The following HEMGN variants were observed in gnomAD, a reference collection of about 807,000 sequenced individuals.
The protein encoded by HEMGN is hemogen.
In HEMGN, 32 loss-of-function variants were observed where a neutral mutation model predicts 45.7. The ratio of observed to expected loss-of-function variants is 0.70; its 90% confidence interval spans 0.53 to 0.94. HEMGN has a LOEUF of 0.94. Among genes scored for constraint, HEMGN ranks in the 40% least tolerant of loss-of-function variants. The pLI is 0.00. For synonymous variants in HEMGN, 183 were observed against 178.6 expected (o/e 1.02, Z -0.20); for missense variants, 530 against 564.2 (o/e 0.94, Z 0.61).
Position 97,932,803 on chromosome 9 carries a change from C to CAA in HEMGN, c.174-1584_174-1583dup, listed in dbSNP as rs5899328. 4.6e-5 allele frequency among the ~76,000 whole-genome samples: 4 copies of CAA among 87,280 alleles called. 1 individual carries two copies. The highest frequency in any genetic ancestry group is 4.9e-5 in the African/African-American group (1 of 20,318). The allele number at this position is 87,280 out of a possible 152,430, so 57.3% of individuals were successfully genotyped here. The stretch of plus-strand genomic sequence containing the variant: ...TGGGTGACAGAATGAGACTCTGTCT[C>CAA]AAAAAAAAAAAAAAAAAGGAAATCT... On this transcript the variant is annotated intron_variant, in intron 2 of 3. Coordinates refer to ENST00000616898, the MANE Select transcript of HEMGN (RefSeq NM_197978.3).
upstream of HEMGN, chr9:97,938,176 AC>A: frequency 7.6e-7 from 1 of 1,313,910 alleles, no homozygotes; most frequent in Non-Finnish European, 1.1e-6. Context: ...TCTGACTTCC[AC>A]AAGCAGCCTA....
chr9:97,938,109 A>G lies in HEMGN; in HGVS notation c.28T>C (p.Leu10=). The part of the protein sequence containing the change: MDLGKDQSH[L]KHHQTPDPHQ... ...GGGTCAGGTGTCTGATGGTGCTTCAAATGAGATTGGTCCTTTCCCAAATCC... is the reference window on the plus strand; with the variant it reads ...GGGTCAGGTGTCTGATGGTGCTTCAGATGAGATTGGTCCTTTCCCAAATCC... Residue 10 remains leucine (L), a synonymous_variant, in exon 1 of 4, where the codon TTG becomes CTG. Coordinates refer to ENST00000616898, the MANE Select transcript of HEMGN (RefSeq NM_197978.3). 6 of 1,613,052 alleles carry G rather than the reference A, an allele frequency of 3.7e-6. No individual in the cohort carries two copies. The highest frequency in any genetic ancestry group is 1.1e-5 in the South Asian group (1 of 91,024).
rs574731840 is a variant in HEMGN at position 97,932,973 on chromosome 9, T to C, written c.174-1752A>G. Reference sequence around the variant, plus strand: ...TCCTTAGGAAACACATATTTTTTCCTAGATATTAAATCCTAAAGAAGTTGT... The same window carrying C: ...TCCTTAGGAAACACATATTTTTTCCCAGATATTAAATCCTAAAGAAGTTGT... On this transcript the variant is annotated intron_variant, in intron 2 of 3. Coordinates refer to ENST00000616898, the MANE Select transcript of HEMGN (RefSeq NM_197978.3). Among the ~76,000 whole-genome samples the C allele has an allele frequency of 1.2e-3, 178 of 152,342 alleles. 1 individual carries two copies. The highest frequency in any genetic ancestry group is 6.6e-3 in the South Asian group (32 of 4,824).
At chr9:97,936,360 T>G (rs1434559485) in intron 1 of HEMGN, 96 bp from the exon 2 acceptor site, 5 of 801,754 alleles carry the variant, frequency 6.2e-6, no homozygotes, top group Non-Finnish European at 1.1e-5. Context: ...GTTCTAGGTT[T>G]TTCTCCTAGC....
chr9:97,935,298 T>C (rs1827038691), intron 2 of HEMGN, among the ~76,000 whole-genome samples: 2 of 152,200 alleles, frequency 1.3e-5, no homozygotes, highest in South Asian at 4.1e-4. Context: ...AAGAGTGCTT[T>C]GCTTAAATTA....
upstream of HEMGN, chr9:97,938,226 A>G: frequency 1.2e-6 from 1 of 823,156 alleles, no homozygotes; most frequent in Non-Finnish European, 2.0e-6. Flanking sequence ...TAACACTTAA[A>G]AAAAAAAACC....
chr9:97,933,240 T>G (rs1337942629), intron 2 of HEMGN, among the ~76,000 whole-genome samples: 1 of 152,226 alleles, frequency 6.6e-6, no homozygotes, highest in Non-Finnish European at 1.5e-5. Flanking sequence ...CTTACATGAA[T>G]GAATTATTCA....
Position 97,931,084 on chromosome 9 carries a change from A to G in HEMGN, c.311T>C (p.Ile104Thr), listed in dbSNP as rs144511790. 2.7e-5 allele frequency: 44 copies of G among 1,613,956 alleles called. No homozygotes were observed. In the East Asian group the frequency reaches 3.6e-4, roughly 13 times the overall value. ...CCCAGGTGGCTCAGTTTTTTTCTCT[A>G]TAGGTGCCAGTGCTTTCTCCACTAT... ...KEIVEKALAP[I>T]EKKTEPPGSI... The change falls in exon 3 of 4, where the codon ATA becomes ACA. Residue 104 changes from isoleucine to threonine, a missense_variant. Physicochemically the swap from Ile to Thr is moderately conservative, Grantham distance 89. Transcript: ENST00000616898.
chr9:97,934,453 G>GGGGGA (rs1176597904), intron 2 of HEMGN, among the ~76,000 whole-genome samples: 1 of 103,140 alleles, frequency 9.7e-6, no homozygotes, highest in African/African-American at 3.6e-5. Flanking sequence ...GGGAGGGGAG[G>GGGGGA]GGGGAGGGGA....
At chr9:97,937,999 A>C (rs1386383785) in intron 1 of HEMGN, 59 bp downstream of exon 1, 7 of 1,091,352 alleles carry the variant, frequency 6.4e-6, no homozygotes, top group African/African-American at 1.6e-5. Context: ...GAAAAGAGAA[A>C]ATTATCATAC....
intron 2 of HEMGN, 138 bp downstream of exon 2, chr9:97,936,033 G>A (rs954269902): frequency 1.6e-5 from 10 of 645,128 alleles, no homozygotes; most frequent in Non-Finnish European, 2.2e-5. Flanking sequence ...CTGTTTTTCT[G>A]TAAAATAGGG....
At chr9:97,933,156 T>C (rs574978776) in intron 2 of HEMGN, among the ~76,000 whole-genome samples, 1 of 152,204 alleles carries the variant, frequency 6.6e-6, no homozygotes, top group South Asian at 2.1e-4. Context: ...ATGCCTTGGT[T>C]TCCTTGTAAG....
chr9:97,928,413 C>T (rs1826874539), intron 3 of HEMGN, among the ~76,000 whole-genome samples: 1 of 152,288 alleles, frequency 6.6e-6, no homozygotes, highest in Non-Finnish European at 1.5e-5. Context: ...GGGGAAAAGG[C>T]ACCTGTCTCG....
intron 3 of HEMGN, among the ~76,000 whole-genome samples, chr9:97,928,885 G>T (rs1312561461): frequency 6.6e-6 from 1 of 152,046 alleles, no homozygotes; most frequent in Non-Finnish European, 1.5e-5. Context: ...ACAAGTTACA[G>T]GATAGGATGG....
At chr9:97,937,497 G>A (rs991778852) in intron 1 of HEMGN, among the ~76,000 whole-genome samples, 1 of 151,746 alleles carries the variant, frequency 6.6e-6, no homozygotes, top group Non-Finnish European at 1.5e-5. Flanking sequence ...ACTATTATTA[G>A]ACCCACCACT....
intron 2 of HEMGN, among the ~76,000 whole-genome samples, chr9:97,935,047 A>G (rs760555452): frequency 2.0e-5 from 3 of 152,216 alleles, no homozygotes; most frequent in Non-Finnish European, 4.4e-5. Flanking sequence ...TCCTGCTTAT[A>G]CAACAGCCAA....
chr9:97,930,960 C>A lies in HEMGN; in HGVS notation c.435G>T (p.Glu145Asp), dbSNP rs1378695363. 1.9e-6 allele frequency: 3 copies of A among 1,614,134 alleles called. No homozygotes were observed. The highest frequency in any genetic ancestry group is 1.3e-5 in the African/African-American group (1 of 75,024). Residue 145 changes from glutamate to aspartate, a missense_variant, in exon 3 of 4, where the codon GAG (glutamate) becomes GAT (aspartate). Physicochemically the swap from Glu to Asp is conservative, Grantham distance 45 (BLOSUM62 2). Transcript: ENST00000616898. ...CTATTTCTTGGTACTCAGAAAAATT[C>A]TCCTGATATATGTTACTTTCTTGAC... ...EICQESNIYQ[E>D]NFSEYQEIAV...
chr9:97,931,136 C>G lies in HEMGN; in HGVS notation c.259G>C (p.Glu87Gln). 2 of 1,614,062 alleles carry G rather than the reference C, an allele frequency of 1.2e-6. No homozygotes were observed. Among genetic ancestry groups the G allele is most frequent in the Non-Finnish European group, 1.7e-6 (2 of 1,180,018 alleles). Residue 87 changes from glutamate (E) to glutamine (Q), a missense_variant, in exon 3 of 4, where the codon GAG becomes CAG. Glu to Gln is a conservative substitution (Grantham distance 29). Coordinates refer to ENST00000616898, the MANE Select transcript of HEMGN (RefSeq NM_197978.3). ...TCCTTTTCTATCTGTGGCTGAGGCT[C>G]CACCTTCAATTCTGTGTTTTGTTGT... is the stretch of plus-strand genomic sequence containing the variant. Reference protein sequence around the residue: ...KRQQNTELKVEPQPQIEKEIV... With the variant: ...KRQQNTELKVQPQPQIEKEIV...
At chr9:97,928,216 C>T (rs1826869080) in intron 3 of HEMGN, among the ~76,000 whole-genome samples, 1 of 151,900 alleles carries the variant, frequency 6.6e-6, no homozygotes, top group African/African-American at 2.4e-5. Flanking sequence ...TTAGTAGAGA[C>T]GGGGTTTCAT....
Sources: allele counts gnomAD v4.1 joint callset (sites outside exome capture counted in the v4.1 genomes callset), GRCh38; gene constraint gnomAD v4.1.1; transcripts MANE v1.5; gene names NCBI Gene and HGNC (gene_info 2026-07-23, HGNC 2026-07-21).